The following GIPC2 variants were observed in gnomAD, a reference collection of about 807,000 sequenced individuals.
GIPC2 encodes PDZ domain-containing protein GIPC2.
Under a neutral mutation model 30.6 loss-of-function variants are expected in GIPC2, and 30 were observed. The observed-to-expected ratio is 0.98, with a 90% CI of 0.73 to 1.33. GIPC2 has a LOEUF of 1.33. Ranked by LOEUF, GIPC2 falls within the 40% of genes most tolerant of loss-of-function variation. GIPC2 has a pLI of 0.00. For synonymous variants in GIPC2, 167 were observed against 150.0 expected (o/e 1.11, Z -0.83); for missense variants, 414 against 390.3 (o/e 1.06, Z -0.51).
At chr1:78,055,138 C>T (rs12067638) in intron 1 of GIPC2, among the ~76,000 whole-genome samples, 37,602 of 152,030 alleles carry the variant, frequency 0.25, 5,046 homozygotes, top group East Asian at 0.52. Context: ...TTGTGGGAGC[C>T]CACTTCCTGG....
intron 3 of GIPC2, among the ~76,000 whole-genome samples, chr1:78,101,437 T>C (rs990998512): frequency 2.6e-5 from 4 of 152,248 alleles, no homozygotes; most frequent in African/African-American, 9.6e-5. Flanking sequence ...TATTGTGCTT[T>C]GTACATTGCA....
chr1:78,098,050 C>T (rs938883649), intron 3 of GIPC2, among the ~76,000 whole-genome samples: 1 of 152,104 alleles, frequency 6.6e-6, no homozygotes, highest in African/African-American at 2.4e-5. Context: ...TTCTTCTAAG[C>T]TGTTATATCT....
chr1:78,137,053 T>G lies in GIPC2; in HGVS notation c.*1310T>G, dbSNP rs909836787. On this transcript the variant is annotated 3_prime_UTR_variant, in exon 6 of 6. Transcript: ENST00000370759. ...TAACTCTTGTTTTCTGGTAAAACTT[T>G]AGTTGTATTGCCATCCACTCCTTTT... The G allele has an allele frequency of 6.6e-6, 1 of 152,222 alleles. No homozygotes were observed. Among genetic ancestry groups the G allele is most frequent in the Non-Finnish European group, 1.5e-5 (1 of 68,016 alleles). 9.4% of individuals were successfully genotyped at this position (152,222 alleles called of 1,614,324 possible). A position where few individuals can be genotyped will look rare whatever the true frequency, so the allele number is the denominator to read the frequency against.
chr1:78,121,352 G>A (rs1173139667), intron 4 of GIPC2, among the ~76,000 whole-genome samples: 3 of 152,148 alleles, frequency 2.0e-5, no homozygotes, highest in African/African-American at 7.2e-5. Flanking sequence ...GGCCCTTCTA[G>A]GGTCTCTCTG....
intron 5 of GIPC2, among the ~76,000 whole-genome samples, chr1:78,132,942 G>T (rs1662928126): frequency 6.6e-6 from 1 of 152,154 alleles, no homozygotes; most frequent in South Asian, 2.1e-4. Context: ...TAAAGCCTAT[G>T]AGAAAGAGTT....
At chr1:78,099,146 A>G (rs1177303795) in intron 3 of GIPC2, among the ~76,000 whole-genome samples, 3 of 152,142 alleles carry the variant, frequency 2.0e-5, no homozygotes, top group African/African-American at 4.8e-5. Flanking sequence ...CCATTCAGAC[A>G]TTTGTTGAGT....
intron 3 of GIPC2, among the ~76,000 whole-genome samples, chr1:78,100,595 G>A (rs1571508002): frequency 6.6e-6 from 1 of 152,134 alleles, no homozygotes; most frequent in Non-Finnish European, 1.5e-5. Context: ...ATACAATTTT[G>A]GACTAAATGA....
At chr1:78,100,584 A>G (rs1662223566) in intron 3 of GIPC2, among the ~76,000 whole-genome samples, 2 of 152,104 alleles carry the variant, frequency 1.3e-5, no homozygotes, top group Non-Finnish European at 2.9e-5. Flanking sequence ...AGAAATTATA[A>G]ATACAATTTT....
At chr1:78,130,714 A>C (rs1411223268) in intron 5 of GIPC2, among the ~76,000 whole-genome samples, 1 of 152,208 alleles carries the variant, frequency 6.6e-6, no homozygotes, top group African/African-American at 2.4e-5. Flanking sequence ...ACATTCAGAG[A>C]AGTTTGATAA....
intron 3 of GIPC2, among the ~76,000 whole-genome samples, chr1:78,107,402 C>A (rs1402649193): frequency 1.3e-5 from 2 of 152,102 alleles, no homozygotes; most frequent in Admixed American, 6.5e-5. Flanking sequence ...GCCTTGGCCT[C>A]CCAAAGTGTT....
At chr1:78,120,256 C>T (rs144667303) in intron 4 of GIPC2, among the ~76,000 whole-genome samples, 233 of 152,300 alleles carry the variant, frequency 1.5e-3, no homozygotes, top group African/African-American at 5.3e-3. Flanking sequence ...ATCCCTTTGC[C>T]GTGGCTTCCT....
intron 3 of GIPC2, among the ~76,000 whole-genome samples, chr1:78,113,976 A>C (rs753280008): frequency 1.3e-5 from 2 of 151,904 alleles, no homozygotes; most frequent in Non-Finnish European, 2.9e-5. Flanking sequence ...TCATCAGCTC[A>C]TGTACTTTTA....
intron 2 of GIPC2, among the ~76,000 whole-genome samples, chr1:78,094,534 A>G (rs545506945): frequency 6.6e-6 from 1 of 152,346 alleles, no homozygotes; most frequent in East Asian, 1.9e-4. Flanking sequence ...CAGCATATAC[A>G]GCAAAACGTA....
chr1:78,082,969 C>T (rs1385006947), intron 2 of GIPC2, among the ~76,000 whole-genome samples: 2 of 151,998 alleles, frequency 1.3e-5, no homozygotes, highest in African/African-American at 4.8e-5. Flanking sequence ...TACTCTTTAC[C>T]CCTTAGTACT....
At chr1:78,086,361 A>G (rs1661927730) in intron 2 of GIPC2, among the ~76,000 whole-genome samples, 1 of 152,158 alleles carries the variant, frequency 6.6e-6, no homozygotes, top group Non-Finnish European at 1.5e-5. Context: ...TCAATTTTAG[A>G]GTATATACCA....
At chr1:78,090,993 G>C (rs1297516161) in intron 2 of GIPC2, among the ~76,000 whole-genome samples, 1 of 152,154 alleles carries the variant, frequency 6.6e-6, no homozygotes, top group Non-Finnish European at 1.5e-5. Flanking sequence ...AAATTTCAGA[G>C]TTCAAAGGTG....
intron 2 of GIPC2, among the ~76,000 whole-genome samples, chr1:78,089,445 C>G (rs1481897290): frequency 6.6e-6 from 1 of 152,176 alleles, no homozygotes; most frequent in African/African-American, 2.4e-5. Context: ...TAAACTATTA[C>G]ATAATTAGGA....
At chr1:78,078,427 C>T (rs1472902518) in intron 1 of GIPC2, among the ~76,000 whole-genome samples, 2 of 152,114 alleles carry the variant, frequency 1.3e-5, no homozygotes, top group South Asian at 2.1e-4. Flanking sequence ...TATCACATTC[C>T]TACAGGTTTT....
intron 2 of GIPC2, among the ~76,000 whole-genome samples, chr1:78,088,804 C>T (rs1326147079): frequency 6.7e-6 from 1 of 150,262 alleles, no homozygotes; most frequent in Non-Finnish European, 1.5e-5. Flanking sequence ...ATGATCATGC[C>T]ACCACTCTCA....
Sources: gnomAD v4.1 joint callset for allele counts (sites outside exome capture counted in the v4.1 genomes callset) on GRCh38, gnomAD v4.1.1 for gene constraint, MANE v1.5 for transcripts, NCBI Gene and HGNC (gene_info 2026-07-23, HGNC 2026-07-21) for gene names.